The following MYH10 variants were observed in gnomAD, a reference collection of about 807,000 sequenced individuals.
The protein encoded by MYH10 is myosin-10.
In MYH10, 55 loss-of-function variants were observed where a neutral mutation model predicts 257.8. The observed-to-expected ratio is 0.21, with a 90% CI of 0.17 to 0.27. The LOEUF is 0.27. Among genes scored for constraint, MYH10 ranks in the 10% least tolerant of loss-of-function variants. MYH10 has a pLI of 1.00. For missense variants in MYH10, 1,631 were observed against 2,500.6 expected, an observed-to-expected ratio of 0.65 and a Z score of 7.42; for synonymous variants, 854 against 921.7, an observed-to-expected ratio of 0.93 and a Z score of 1.33.
Position 8,484,206 on chromosome 17 carries a change from A to C in MYH10, c.5107T>G (p.Phe1703Val), listed in dbSNP as rs1036161314. The C allele has an allele frequency of 5.6e-6, 9 of 1,612,674 alleles. No individual in the cohort carries two copies. The highest frequency in any genetic ancestry group is 7.6e-6 in the Non-Finnish European group (9 of 1,179,506). ...EEARASRDEI[F>V]AQSKESEKKL... is the part of the protein sequence containing the mutation. ...TTTTCACTCTCTTTGGATTGAGCAA[A>C]AATCTCATCTCTGGATGCACGAGCT... The change falls in exon 37 of 43, where the codon TTT becomes GTT. Residue 1703 changes from phenylalanine (F) to valine (V), a missense_variant. Physicochemically the swap from Phe to Val is conservative, Grantham distance 50. Coordinates refer to ENST00000360416, the MANE Select transcript of MYH10 (RefSeq NM_001256012.3).
At chr17:8,616,000 C>T (rs186461720) in intron 2 of MYH10, among the ~76,000 whole-genome samples, 26 of 152,300 alleles carry the variant, frequency 1.7e-4, no homozygotes, top group African/African-American at 6.0e-4. Context: ...TGTGTGTCAA[C>T]TGGCTGGGCA....
chr17:8,514,003 A>G, intron 21 of MYH10, 109 bp from the exon 22 acceptor site: 1 of 933,884 alleles, frequency 1.1e-6, no homozygotes, highest in South Asian at 1.6e-5. Flanking sequence ...TAGGATAGGG[A>G]ATGATTGCAT....
At chr17:8,588,789 A>G (rs1394889431) in intron 4 of MYH10, among the ~76,000 whole-genome samples, 1 of 152,244 alleles carries the variant, frequency 6.6e-6, no homozygotes, top group African/African-American at 2.4e-5. Context: ...ATGCTTATTG[A>G]GTAAAAAGAA....
intron 4 of MYH10, among the ~76,000 whole-genome samples, chr17:8,587,253 C>T (rs1054652475): frequency 7.2e-5 from 11 of 152,148 alleles, no homozygotes; most frequent in Non-Finnish European, 1.5e-4. Context: ...CCCAGCTGAG[C>T]CCAATCCAAC....
intron 4 of MYH10, among the ~76,000 whole-genome samples, chr17:8,579,936 T>C (rs1196478243): frequency 6.6e-6 from 1 of 152,184 alleles, no homozygotes; most frequent in African/African-American, 2.4e-5. Flanking sequence ...TATCAATGAC[T>C]GACAAAGACA....
chr17:8,629,501 C>T (rs2085817692), intron 1 of MYH10, among the ~76,000 whole-genome samples: 1 of 152,162 alleles, frequency 6.6e-6, no homozygotes, highest in Non-Finnish European at 1.5e-5. Context: ...CTTCCTAAGG[C>T]CCTAGTTCCA....
chr17:8,511,476 C>A (rs536104962), intron 24 of MYH10, among the ~76,000 whole-genome samples: 2 of 152,078 alleles, frequency 1.3e-5, no homozygotes, highest in Middle Eastern at 3.2e-3. Context: ...GCCGAGATTG[C>A]GCCATTGCAC....
At position 8,589,199 on chromosome 17, in the gene MYH10, T is replaced by C. The variant is rs544928964; in HGVS notation, c.503-91A>G. 9 of 1,313,866 alleles carry C rather than the reference T, an allele frequency of 6.9e-6. No individual in the cohort carries two copies. In the South Asian group the frequency reaches 1.1e-4, roughly 17 times the overall value. 81.4% of individuals were successfully genotyped at this position (1,313,866 alleles called of 1,614,324 possible). On this transcript the variant is annotated intron_variant, in intron 3 of 42. Coordinates refer to ENST00000360416, the MANE Select transcript of MYH10 (RefSeq NM_001256012.3). ...ATATAATAAAGTTGCAGTAATAGCC[T>C]ATAAAATATTAGTAACTACTCCTCT...
intron 7 of MYH10, chr17:8,561,429 G>A (rs2082990315): frequency 2.8e-6 from 3 of 1,090,156 alleles, no homozygotes; most frequent in Admixed American, 1.7e-5. Context: ...TTCCCAAGCT[G>A]TGTGTGAAGC....
chr17:8,625,771 G>A (rs902047432), intron 1 of MYH10, among the ~76,000 whole-genome samples: 1 of 152,088 alleles, frequency 6.6e-6, no homozygotes, highest in Non-Finnish European at 1.5e-5. Context: ...GTGAGCCACC[G>A]CGTCCAGCCT....
chr17:8,550,446 G>A (rs528372243), intron 9 of MYH10, among the ~76,000 whole-genome samples: 3,259 of 151,310 alleles, frequency 0.022, 90 homozygotes, highest in Admixed American at 0.076. Context: ...GAGCCCCTCC[G>A]CCCGGCAGCC....
rs2085800966 is a variant in MYH10 at position 8,629,285 on chromosome 17, C to T, written c.-32+1369G>A. Among the ~76,000 whole-genome samples, 5 of 152,186 alleles carry T rather than the reference C, an allele frequency of 3.3e-5. 1 individual carries two copies. ...TTGGTATTACATTATTCAGCGAAAA[C>T]AGCAGTCTTTGTTTCATCTGCAGTC... On this transcript the variant is annotated intron_variant, in intron 1 of 42. Coordinates refer to ENST00000360416, the MANE Select transcript of MYH10 (RefSeq NM_001256012.3).
chr17:8,590,220 C>T (rs997020631), intron 3 of MYH10, among the ~76,000 whole-genome samples: 1 of 152,212 alleles, frequency 6.6e-6, no homozygotes, highest in African/African-American at 2.4e-5. Flanking sequence ...TTCTTTTTTA[C>T]ATAATATTAT....
chr17:8,523,832 G>C (rs368843063), intron 17 of MYH10, among the ~76,000 whole-genome samples: 63 of 152,346 alleles, frequency 4.1e-4, no homozygotes, highest in African/African-American at 1.5e-3. Flanking sequence ...AAGTGAGGCA[G>C]AGGAGCATTT....
chr17:8,548,254 T>C, intron 11 of MYH10, 59 bp downstream of exon 11: 2 of 1,373,310 alleles, frequency 1.5e-6, no homozygotes, highest in Non-Finnish European at 2.1e-6. Context: ...CTGTAACACC[T>C]TCTTAGAGAG....
At chr17:8,620,456 GA>G (rs2085421788) in intron 2 of MYH10, among the ~76,000 whole-genome samples, 1 of 140,618 alleles carries the variant, frequency 7.1e-6, no homozygotes, top group South Asian at 2.1e-4. Context: ...GAAAGAAGAT[GA>G]AAATTAATGA....
intron 6 of MYH10, among the ~76,000 whole-genome samples, chr17:8,574,977 T>C (rs952225062): frequency 2.0e-5 from 3 of 152,240 alleles, no homozygotes; most frequent in African/African-American, 7.2e-5. Context: ...ACGAGTATTC[T>C]TCTAATATTT....
At chr17:8,532,122 A>G (rs2082021282) in intron 16 of MYH10, among the ~76,000 whole-genome samples, 2 of 152,202 alleles carry the variant, frequency 1.3e-5, no homozygotes, top group African/African-American at 4.8e-5. Flanking sequence ...TAAGCTGAAG[A>G]GCGACAGCAC....
chr17:8,511,513 C>G (rs1443757772), intron 24 of MYH10, among the ~76,000 whole-genome samples: 1 of 152,168 alleles, frequency 6.6e-6, no homozygotes, highest in Non-Finnish European at 1.5e-5. Flanking sequence ...AAGCGAGACT[C>G]CGTCTCAAAA....
Sources: allele counts gnomAD v4.1 joint callset (sites outside exome capture counted in the v4.1 genomes callset), GRCh38; gene constraint gnomAD v4.1.1; transcripts MANE v1.5; gene names NCBI Gene and HGNC (gene_info 2026-07-23, HGNC 2026-07-21).